ATP6V1B1: variants seen among roughly 807,000 people sequenced by gnomAD.
The protein encoded by ATP6V1B1 is ATPase H+ transporting V1 subunit B1.
Under a neutral mutation model 62.1 loss-of-function variants are expected in ATP6V1B1, and 41 were observed. That is an observed-to-expected ratio of 0.66 (90% CI 0.51 to 0.86). ATP6V1B1 has a LOEUF of 0.86. Among genes scored for constraint, ATP6V1B1 ranks in the 40% least tolerant of loss-of-function variants. ATP6V1B1 has a pLI of 0.00. For missense variants in ATP6V1B1, 651 were observed against 697.5 expected, an observed-to-expected ratio of 0.93 and a Z score of 0.75; for synonymous variants, 253 against 273.4, an observed-to-expected ratio of 0.93 and a Z score of 0.74.
At chr2:70,964,394 G>A (rs781804715) in intron 11 of ATP6V1B1, 44 bp from the exon 12 acceptor site, 2 of 1,601,212 alleles carry the variant, frequency 1.2e-6, no homozygotes, top group Non-Finnish European at 1.7e-6. Context: ...GGGGAGCAAA[G>A]CTTGAGTCCT....
At position 70,943,692 on chromosome 2, in the gene ATP6V1B1, G is replaced by A; in HGVS notation, c.153G>A (p.Leu51=). 1 of 1,613,842 alleles carries A rather than the reference G, an allele frequency of 6.2e-7. No homozygotes were observed. The highest frequency in any genetic ancestry group is 2.2e-5 in the East Asian group (1 of 44,862). Residue 51 remains leucine (L), a synonymous_variant, in exon 2 of 14, where the codon CTG becomes CTA. Coordinates refer to ENST00000234396, the MANE Select transcript of ATP6V1B1 (RefSeq NM_001692.4). ...CTGTGTGCAGCGTGAACGGGCCCCT[G>A]GTGGTGCTGGACCGGGTCAAGGTAA... ...YRTVCSVNGP[L]VVLDRVKFAQ... is the part of the protein sequence containing the mutation.
chr2:70,940,324 C>A, intron 1 of ATP6V1B1: 1 of 943,656 alleles, frequency 1.1e-6, no homozygotes, highest in Non-Finnish European at 1.3e-6. Flanking sequence ...GGTCCTTGGG[C>A]CCCATCCCCT....
intron 11 of ATP6V1B1, chr2:70,964,112 G>GTTTTTTTTTTTTTTTTTTTTTTT (rs1330555546): frequency 1.3e-5 from 2 of 157,306 alleles, no homozygotes; most frequent in African/African-American, 1.1e-4. Flanking sequence ...TGCTTGGCAG[G>GTTTTTTTTTTTTTTTTTTTTTTT]TATTTTTTTT....
chr2:70,936,644 T>C (rs1269760213), intron 1 of ATP6V1B1, among the ~76,000 whole-genome samples: 1 of 152,036 alleles, frequency 6.6e-6, no homozygotes, highest in Non-Finnish European at 1.5e-5. Context: ...CCACCTTCAC[T>C]TGGGGTAAGG....
At chr2:70,954,923 G>C (rs1680400118) in intron 2 of ATP6V1B1, among the ~76,000 whole-genome samples, 1 of 152,212 alleles carries the variant, frequency 6.6e-6, no homozygotes, top group African/African-American at 2.4e-5. Context: ...ATGGGGCTTA[G>C]ATCTCTTGGT....
In ATP6V1B1 at chr2:70,963,311, C is replaced by T. The variant is rs200790672; in HGVS notation, c.1059C>T (p.Asp353=). 1.7e-5 allele frequency: 28 copies of T among 1,612,792 alleles called. No homozygotes were observed. Among genetic ancestry groups the T allele is most frequent in the African/African-American group, 5.3e-5 (4 of 74,938 alleles). Residue 353 remains aspartate (D), a splice_region_variant and synonymous_variant, in exon 10 of 14, where the codon GAC becomes GAT. Transcript: ENST00000234396. The surrounding 1 kb of genome is among the most constrained non-coding windows in gnomAD (Gnocchi z 4.3). The stretch of plus-strand genomic sequence containing the variant: ...TCCCCATCCTCACCATGCCCAACGA[C>T]GGTAGCCTCCTCACAGCCCACTACC... The part of the protein sequence containing the change: ...TQIPILTMPN[D]DITHPIPDLT...
Position 70,941,227 on chromosome 2 carries a change from T to C in ATP6V1B1, c.119-2431T>C, listed in dbSNP as rs13399615. 5.5e-3 allele frequency: 5,302 copies of C among 969,024 alleles called. 232 individuals carry two copies. The African/African-American group carries it at 0.086, about 16-fold the overall frequency. 60.0% of individuals were successfully genotyped at this position (969,024 alleles called of 1,614,324 possible). A position where few individuals can be genotyped will look rare whatever the true frequency, so the allele number is the denominator to read the frequency against. ...GCCACTGTAGCTGTCCAAATATTTC[T>C]TGAGTGTGTACCATATTCCCAGCAC... On this transcript the variant is annotated intron_variant, in intron 1 of 13. Transcript: ENST00000234396.
rs781825208 is a variant in ATP6V1B1 at position 70,958,094 on chromosome 2, C to T, written c.223C>T (p.Gln75Ter). The T allele has an allele frequency of 1.2e-6, 2 of 1,614,150 alleles. No homozygotes were observed. The highest frequency in any genetic ancestry group is 1.7e-6 in the Non-Finnish European group (2 of 1,180,026). Residue 75 changes from glutamine (Q) to a stop codon, truncating the protein, a stop_gained, in exon 3 of 14, where the codon CAG (glutamine) becomes TAG (stop). Transcript: ENST00000234396. LOFTEE classifies it high-confidence loss of function. ...IVHFTLPDGT[Q>*]RSGQVLEVAG... ...CCACTTCACCCTCCCAGATGGGACT[C>T]AGAGGAGCGGGCAGGTGCTTGAGGT...
chr2:70,946,019 C>T (rs1047840566), intron 2 of ATP6V1B1, among the ~76,000 whole-genome samples: 1 of 151,980 alleles, frequency 6.6e-6, no homozygotes, highest in South Asian at 2.1e-4. Flanking sequence ...ACACACCGTG[C>T]CCTGCTATTG....
At position 70,960,927 on chromosome 2, in the gene ATP6V1B1, G is replaced by A. The variant is rs148482773; in HGVS notation, c.592G>A (p.Ala198Thr). The A allele has an allele frequency of 6.2e-6, 10 of 1,607,318 alleles. No homozygotes were observed. The highest frequency in any genetic ancestry group is 1.7e-4 in the Middle Eastern group (1 of 6,056). ...CCAATCCACTCTGCCCTAGATTGCCGCTCAGATCTGCCGCCAGGCGGGGCT... is the reference window on the plus strand; with the variant it reads ...CCAATCCACTCTGCCCTAGATTGCCACTCAGATCTGCCGCCAGGCGGGGCT... ...AAGLPHNEIA[A>T]QICRQAGLVK... The change falls in exon 7 of 14, where the codon GCT becomes ACT. Residue 198 changes from alanine to threonine, a missense_variant. By Grantham distance (58) the Ala-to-Thr change is moderately conservative. Transcript: ENST00000234396.
chr2:70,950,932 A>ATTTTT lies in ATP6V1B1; in HGVS notation c.175-7091_175-7087dup, dbSNP rs55871344. ...ACTGTGTGTGCATAATTTTTTCCTG[A>ATTTTT]TTTTTTTTTTTTTTTTTTTTTTTTT... On this transcript the variant is annotated intron_variant, in intron 2 of 13. Coordinates refer to ENST00000234396, the MANE Select transcript of ATP6V1B1 (RefSeq NM_001692.4). Among the ~76,000 whole-genome samples, 260 of 64,618 alleles carry ATTTTT rather than the reference A, an allele frequency of 4.0e-3. 49 individuals carry two copies. Among genetic ancestry groups the ATTTTT allele is most frequent in the East Asian group, 0.021 (42 of 1,984 alleles). 42.4% of individuals were successfully genotyped at this position (64,618 alleles called of 152,430 possible).
chr2:70,956,210 C>T, intron 2 of ATP6V1B1: 4 of 231,252 alleles, frequency 1.7e-5, no homozygotes. Context: ...TCATAGCCAC[C>T]ATAGGTTTTC....
intron 2 of ATP6V1B1, among the ~76,000 whole-genome samples, chr2:70,956,812 A>T (rs1572918241): frequency 1.3e-5 from 2 of 150,492 alleles, no homozygotes; most frequent in Non-Finnish European, 3.0e-5. Context: ...CTGATCTCAA[A>T]CTCCTTATGT....
intron 2 of ATP6V1B1, chr2:70,957,646 T>C (rs1680471080): frequency 6.0e-6 from 2 of 333,766 alleles, no homozygotes; most frequent in South Asian, 4.9e-5. Context: ...GGCACCATGC[T>C]AATGGATCTG....
Position 70,959,993 on chromosome 2 carries a change from G to C in ATP6V1B1, c.500G>C (p.Gly167Ala). The C allele has an allele frequency of 6.2e-7, 1 of 1,614,206 alleles. No individual in the cohort carries two copies. The highest frequency in any genetic ancestry group is 8.5e-7 in the Non-Finnish European group (1 of 1,180,042). Residue 167 changes from glycine to alanine, a missense_variant, in exon 6 of 14, where the codon GGC becomes GCC. Gly to Ala is a moderately conservative substitution (Grantham distance 60, BLOSUM62 0). Transcript: ENST00000234396. The surrounding 1 kb of genome is among the most constrained non-coding windows in gnomAD (Gnocchi z 4.2). ...RIYPEEMIQT[G>A]ISPIDVMNSI... Reference sequence around the variant, plus strand: ...TACCCCGAGGAGATGATTCAGACGGGCATTTCTCCTATTGACGTCATGAAC... The same window carrying C: ...TACCCCGAGGAGATGATTCAGACGGCCATTTCTCCTATTGACGTCATGAAC...
At position 70,943,709 on chromosome 2, in the gene ATP6V1B1, T is replaced by A; in HGVS notation, c.170T>A (p.Val57Asp). 6.2e-7 allele frequency: 1 copy of A among 1,613,242 alleles called. No homozygotes were observed. Among genetic ancestry groups the A allele is most frequent in the Non-Finnish European group, 8.5e-7 (1 of 1,179,864 alleles). The change falls in exon 2 of 14, where the codon GTC becomes GAC. Residue 57 changes from valine (V) to aspartate (D), a missense_variant. Transcript: ENST00000234396. ...VNGPLVVLDRVKFAQYAEIVH... is the reference protein window; with the variant it reads ...VNGPLVVLDRDKFAQYAEIVH... ...GGGCCCCTGGTGGTGCTGGACCGGG[T>A]CAAGGTAAGACTCTTCTGCTGCCTC... is the stretch of plus-strand genomic sequence containing the variant.
intron 1 of ATP6V1B1, chr2:70,938,797 T>C: frequency 2.0e-6 from 2 of 984,980 alleles, no homozygotes; most frequent in Non-Finnish European, 2.4e-6. Context: ...GCTTGGAGGG[T>C]GGAGGTGCCC....
At chr2:70,964,654 G>T in intron 12 of ATP6V1B1, 82 bp from the exon 13 acceptor site, 1 of 1,612,440 alleles carries the variant, frequency 6.2e-7, no homozygotes, top group Non-Finnish European at 8.5e-7. Flanking sequence ...TTCCGAACGG[G>T]GTCCCAGTGT....
chr2:70,959,145 T>G lies in ATP6V1B1; in HGVS notation c.445+50T>G. The G allele has an allele frequency of 1.3e-6, 2 of 1,583,862 alleles. No homozygotes were observed. Among genetic ancestry groups the G allele is most frequent in the Non-Finnish European group, 8.7e-7 (1 of 1,153,336 alleles). On this transcript the variant is annotated intron_variant, in intron 5 of 13. Coordinates refer to ENST00000234396, the MANE Select transcript of ATP6V1B1 (RefSeq NM_001692.4). This position sits in a 1 kb window ranked among gnomAD's most constrained non-coding sequence, Gnocchi z 4.2. ...GCTTCGGGACCCAGCCCTAACACCT[T>G]CCCCACTCTTGGAAGTTCTGCCCAG...
Sources: gnomAD v4.1 joint callset for allele counts (sites outside exome capture counted in the v4.1 genomes callset) on GRCh38, gnomAD v4.1.1 for gene constraint, Gnocchi (gnomAD v3.1) non-coding constraint, MANE v1.5 for transcripts, NCBI Gene and HGNC (gene_info 2026-07-23, HGNC 2026-07-21) for gene names.